The following LHFPL3 variants were observed in gnomAD, a reference collection of about 807,000 sequenced individuals.
The protein encoded by LHFPL3 is LHFPL tetraspan subfamily member 3, also known as LHFPL tetraspan subfamily member 3 protein.
Under a neutral mutation model 19.3 loss-of-function variants are expected in LHFPL3, and 5 were observed. That is an observed-to-expected ratio of 0.26 (90% confidence interval 0.14 to 0.54). The LOEUF (loss-of-function observed/expected upper bound fraction) is 0.54, where lower values mean the gene tolerates loss of function less well. Ranked by LOEUF, LHFPL3 falls within the 20% of genes least tolerant of loss-of-function variation. LHFPL3 has a pLI of 0.94. For synonymous variants in LHFPL3, 133 were observed against 126.2 expected (o/e 1.05, Z -0.36); for missense variants, 249 against 307.4 (o/e 0.81, Z 1.42).
chr7:104,637,837 T>TC (rs1791756934), intron 1 of LHFPL3, among the ~76,000 whole-genome samples: 1 of 151,472 alleles, frequency 6.6e-6, no homozygotes, highest in African/African-American at 2.4e-5. Flanking sequence ...TTTTTTTTTT[T>TC]TTTTTTTAGC....
chr7:104,848,616 C>G lies in LHFPL3; in HGVS notation c.683-57571C>G, dbSNP rs572206012. Among the ~76,000 whole-genome samples the G allele has an allele frequency of 4.4e-4, 66 of 150,542 alleles. 1 individual carries two copies. The highest frequency in any genetic ancestry group is 1.6e-3 in the African/African-American group (65 of 41,188). ...TGACCAAATTGGAAACTGCAGGTGTCTGAGGAAAGGGAGGGAGGGAGAGGA... is the reference window on the plus strand; with the variant it reads ...TGACCAAATTGGAAACTGCAGGTGTGTGAGGAAAGGGAGGGAGGGAGAGGA... On this transcript the variant is annotated intron_variant, in intron 2 of 2. Transcript: ENST00000424859.
At chr7:104,741,677 A>G (rs1050721128) in intron 2 of LHFPL3, among the ~76,000 whole-genome samples, 5 of 152,030 alleles carry the variant, frequency 3.3e-5, no homozygotes, top group African/African-American at 4.8e-5. Flanking sequence ...CTAGGACTAC[A>G]AGTGTGTGCC....
At chr7:104,371,910 A>G (rs1172353794) in intron 1 of LHFPL3, among the ~76,000 whole-genome samples, 3 of 152,238 alleles carry the variant, frequency 2.0e-5, no homozygotes, top group Admixed American at 1.3e-4. Flanking sequence ...ATTCACACCA[A>G]AGTCTGGAGC....
intron 2 of LHFPL3, among the ~76,000 whole-genome samples, chr7:104,902,251 G>T (rs1330708928): frequency 6.6e-6 from 1 of 151,902 alleles, no homozygotes; most frequent in African/African-American, 2.4e-5. Flanking sequence ...GCATGGTAAC[G>T]CGTGCCTGTG....
intron 1 of LHFPL3, among the ~76,000 whole-genome samples, chr7:104,732,792 C>T (rs900719150): frequency 6.6e-6 from 1 of 152,084 alleles, no homozygotes; most frequent in African/African-American, 2.4e-5. Flanking sequence ...GCTCTTGCTT[C>T]TCTAGTTCTT....
chr7:104,417,427 A>G (rs1017084293), intron 1 of LHFPL3, among the ~76,000 whole-genome samples: 3 of 152,248 alleles, frequency 2.0e-5, no homozygotes, highest in African/African-American at 7.2e-5. Context: ...TAAAATAGGC[A>G]TAAAATGGTG....
intron 1 of LHFPL3, among the ~76,000 whole-genome samples, chr7:104,521,064 T>C (rs1232172045): frequency 6.6e-6 from 1 of 152,236 alleles, no homozygotes; most frequent in Non-Finnish European, 1.5e-5. Flanking sequence ...GGATCTTTCC[T>C]GCTTTCTCTT....
rs945028466 is a variant in LHFPL3 at position 104,472,478 on chromosome 7, A to C, written c.445+143254A>C. Among the ~76,000 whole-genome samples, 5 of 152,330 alleles carry C rather than the reference A, an allele frequency of 3.3e-5. No homozygotes were observed. In the East Asian group the frequency reaches 9.6e-4, roughly 29 times the overall value. ...GAACAAAGAATAAAATAAAAACATC[A>C]CATTTCTACCACCCAGAGATCACTA... On this transcript the variant is annotated intron_variant, in intron 1 of 2. Transcript: ENST00000424859.
At chr7:104,724,382 T>G (rs1793551283) in intron 1 of LHFPL3, among the ~76,000 whole-genome samples, 2 of 152,300 alleles carry the variant, frequency 1.3e-5, no homozygotes, top group Middle Eastern at 3.4e-3. Context: ...AAATGTACAT[T>G]TTGATAATAC....
chr7:104,804,181 G>C (rs1790309327), intron 2 of LHFPL3: 1 of 152,134 alleles, frequency 6.6e-6, no homozygotes. Context: ...GGCTCTTGTT[G>C]GGTCACATGT....
intron 2 of LHFPL3, among the ~76,000 whole-genome samples, chr7:104,751,200 G>T (rs1302817252): frequency 1.9e-5 from 2 of 104,960 alleles, no homozygotes; most frequent in African/African-American, 6.2e-5. Context: ...CCTTTTAATG[G>T]CTTAATGGCT....
intron 2 of LHFPL3, among the ~76,000 whole-genome samples, chr7:104,834,276 G>T: frequency 1.3e-5 from 2 of 151,478 alleles, no homozygotes; most frequent in Middle Eastern, 6.8e-3. Context: ...AACCATCACA[G>T]TTGGAGTGAG....
At chr7:104,880,671 G>GA (rs969936856) in intron 2 of LHFPL3, among the ~76,000 whole-genome samples, 2,912 of 132,640 alleles carry the variant, frequency 0.022, 82 homozygotes, top group African/African-American at 0.07. Flanking sequence ...CTACTGCTGA[G>GA]AAAAAAAAAA....
At chr7:104,427,017 A>G in intron 1 of LHFPL3, among the ~76,000 whole-genome samples, 1 of 152,218 alleles carries the variant, frequency 6.6e-6, no homozygotes, top group Non-Finnish European at 1.5e-5. Flanking sequence ...ACTAATAAAT[A>G]GTTATAGAGT....
chr7:104,615,785 C>T (rs149935864), intron 1 of LHFPL3, among the ~76,000 whole-genome samples: 6,690 of 149,762 alleles, frequency 0.045, 170 homozygotes, highest in African/African-American at 0.064. Flanking sequence ...GTTTGGTTTT[C>T]GGTTCCTGTG....
chr7:104,842,805 C>A (rs952072435), intron 2 of LHFPL3, among the ~76,000 whole-genome samples: 7 of 152,214 alleles, frequency 4.6e-5, no homozygotes, highest in Non-Finnish European at 1.0e-4. Context: ...TTTCTGCAAA[C>A]ACCAATTCAA....
At chr7:104,761,164 G>T (rs1381430329) in intron 2 of LHFPL3, among the ~76,000 whole-genome samples, 1 of 152,178 alleles carries the variant, frequency 6.6e-6, no homozygotes, top group Non-Finnish European at 1.5e-5. Context: ...GACAAGATAA[G>T]TGAAAGTGAA....
chr7:104,430,439 T>C (rs866713263), intron 1 of LHFPL3, among the ~76,000 whole-genome samples: 33 of 17,714 alleles, frequency 1.9e-3, no homozygotes, highest in East Asian at 4.7e-3. Flanking sequence ...TATATATATA[T>C]ATATATATAT....
intron 1 of LHFPL3, among the ~76,000 whole-genome samples, chr7:104,719,894 T>C (rs908072087): frequency 1.9e-4 from 29 of 152,326 alleles, no homozygotes; most frequent in African/African-American, 6.7e-4. Flanking sequence ...TGTATGCCTC[T>C]GTTCCCTCAC....
Sources: gnomAD v4.1 joint callset for allele counts (sites outside exome capture counted in the v4.1 genomes callset) on GRCh38, gnomAD v4.1.1 for gene constraint, MANE v1.5 for transcripts, NCBI Gene and HGNC (gene_info 2026-07-23, HGNC 2026-07-21) for gene names.